The following NALF1 variants were observed in gnomAD, a reference collection of about 807,000 sequenced individuals.
NALF1 encodes NALCN channel auxiliary factor 1.
In NALF1, 3 loss-of-function variants were observed where a neutral mutation model predicts 48.4. The observed-to-expected ratio is 0.06, with a 90% CI of 0.03 to 0.16. NALF1 has a LOEUF of 0.16. Among genes scored for constraint, NALF1 ranks in the 10% least tolerant of loss-of-function variants. The probability of loss-of-function intolerance (pLI) is 1.00; values close to 1 mark genes in which losing one functional copy is unlikely to be tolerated. For missense variants in NALF1, 526 were observed against 571.5 expected (o/e 0.92, Z 0.81); for synonymous variants, 262 against 245.7 (o/e 1.07, Z -0.62).
At chr13:107,440,049 T>A (rs1884530813) in intron 1 of NALF1, among the ~76,000 whole-genome samples, 1 of 152,206 alleles carries the variant, frequency 6.6e-6, no homozygotes, top group Non-Finnish European at 1.5e-5. Context: ...TTTTGTCCAT[T>A]ATAACTGCAG....
chr13:107,465,122 T>C (rs932266141), intron 1 of NALF1, among the ~76,000 whole-genome samples: 2 of 152,130 alleles, frequency 1.3e-5, no homozygotes, highest in Admixed American at 6.5e-5. Flanking sequence ...GTCTGCTTCA[T>C]GATTTTTAAA....
chr13:107,812,173 T>A (rs1436251381), intron 1 of NALF1, among the ~76,000 whole-genome samples: 2 of 152,180 alleles, frequency 1.3e-5, no homozygotes. Context: ...CACCTAGATG[T>A]ATGTTAAATG....
chr13:107,201,958 T>C (rs1250594381), intron 2 of NALF1, among the ~76,000 whole-genome samples: 1 of 152,154 alleles, frequency 6.6e-6, no homozygotes, highest in Non-Finnish European at 1.5e-5. Context: ...GGTTCGTCAC[T>C]CTTTTGACCC....
chr13:107,337,870 A>G (rs1882589939), intron 1 of NALF1, among the ~76,000 whole-genome samples: 1 of 152,176 alleles, frequency 6.6e-6, no homozygotes, highest in Non-Finnish European at 1.5e-5. Context: ...CAATAATAAT[A>G]ATAATCTTTG....
chr13:107,353,223 C>A (rs1435173665), intron 1 of NALF1, among the ~76,000 whole-genome samples: 3 of 152,204 alleles, frequency 2.0e-5, no homozygotes, highest in Non-Finnish European at 4.4e-5. Context: ...TTCCCTCCTG[C>A]ACACTAATAA....
At chr13:107,501,191 C>T (rs983523373) in intron 1 of NALF1, among the ~76,000 whole-genome samples, 1 of 152,016 alleles carries the variant, frequency 6.6e-6, no homozygotes, top group African/African-American at 2.4e-5. Context: ...GGCAGAACAG[C>T]AAAAGAAGGA....
In NALF1 at chr13:107,167,991, A is replaced by G. The variant is rs1250584871; in HGVS notation, c.*2506T>C. 6.6e-6 allele frequency: 1 copy of G among 152,248 alleles called. No individual in the cohort carries two copies. Among genetic ancestry groups the G allele is most frequent in the Non-Finnish European group, 1.5e-5 (1 of 68,038 alleles). The allele number at this position is 152,248 out of a possible 1,614,324, so 9.4% of individuals were successfully genotyped here. A position where few individuals can be genotyped will look rare whatever the true frequency, so the allele number is the denominator to read the frequency against. ...GTCATTTTGCTAAGTGTTTAGAAAG[A>G]ATAATTTATTGTCATACCAATAAAA... On this transcript the variant is annotated 3_prime_UTR_variant, in exon 3 of 3. Transcript: ENST00000375915.
At chr13:107,216,640 C>G (rs1215304594) in intron 1 of NALF1, among the ~76,000 whole-genome samples, 1 of 152,188 alleles carries the variant, frequency 6.6e-6, no homozygotes, top group Non-Finnish European at 1.5e-5. Flanking sequence ...TGTCATCACA[C>G]TTGGTCTATT....
intron 1 of NALF1, among the ~76,000 whole-genome samples, chr13:107,711,171 G>A (rs565481277): frequency 6.6e-6 from 1 of 152,130 alleles, no homozygotes; most frequent in South Asian, 2.1e-4. Context: ...TCACTACCTT[G>A]TTGGCAACCT....
rs1407663774 is a variant in NALF1, at chr13:107,409,177, C to G, written c.916-198422G>C. The stretch of plus-strand genomic sequence containing the variant: ...TCTTAAGAAAGATTAACCACCCAAC[C>G]ACCACTGCAGTAAAATAATGAAAAA... On this transcript the variant is annotated intron_variant, in intron 1 of 2. Coordinates refer to ENST00000375915, the MANE Select transcript of NALF1 (RefSeq NM_001080396.3). Among the ~76,000 whole-genome samples the G allele has an allele frequency of 2.0e-5, 3 of 152,086 alleles. No homozygotes were observed. In the South Asian group the frequency reaches 6.2e-4, roughly 32 times the overall value.
chr13:107,704,503 T>C (rs972308126), intron 1 of NALF1, among the ~76,000 whole-genome samples: 1 of 152,104 alleles, frequency 6.6e-6, no homozygotes. Flanking sequence ...GTACTTAACC[T>C]CCCAAAGTTA....
chr13:107,838,224 C>T (rs933791150), intron 1 of NALF1, among the ~76,000 whole-genome samples: 11 of 151,994 alleles, frequency 7.2e-5, no homozygotes, highest in Non-Finnish European at 1.5e-4. Context: ...CCAGCATCAT[C>T]GGCACCTGGG....
At chr13:107,677,125 C>T (rs963411993) in intron 1 of NALF1, among the ~76,000 whole-genome samples, 13 of 152,224 alleles carry the variant, frequency 8.5e-5, no homozygotes, top group Admixed American at 3.3e-4. Context: ...TGGCTTACTG[C>T]TACCTCCGCC....
At chr13:107,726,375 T>C (rs911674446) in intron 1 of NALF1, among the ~76,000 whole-genome samples, 9 of 152,246 alleles carry the variant, frequency 5.9e-5, no homozygotes, top group African/African-American at 2.2e-4. Flanking sequence ...ATTTATGTCC[T>C]TGAAGCCAAG....
chr13:107,738,273 A>G (rs1382062017), intron 1 of NALF1, among the ~76,000 whole-genome samples: 4 of 152,192 alleles, frequency 2.6e-5, no homozygotes. Flanking sequence ...CCCAATTGAT[A>G]TTGATTCATG....
chr13:107,302,883 C>T lies in NALF1; in HGVS notation c.916-92128G>A, dbSNP rs537805801. Among the ~76,000 whole-genome samples, 393 of 152,220 alleles carry T rather than the reference C, an allele frequency of 2.6e-3. 2 individuals are homozygous for T. Among genetic ancestry groups the T allele is most frequent in the African/African-American group, 9.2e-3 (382 of 41,548 alleles). ...ACACAGACACACACAGACACACACACATTTTAAACATGTGAAAAACATTGT... is the reference window on the plus strand; with the variant it reads ...ACACAGACACACACAGACACACACATATTTTAAACATGTGAAAAACATTGT... On this transcript the variant is annotated intron_variant, in intron 1 of 2. Transcript: ENST00000375915.
intron 2 of NALF1, among the ~76,000 whole-genome samples, chr13:107,198,762 C>G (rs975522927): frequency 6.6e-6 from 1 of 152,302 alleles, no homozygotes; most frequent in South Asian, 2.1e-4. Flanking sequence ...GCAGGGTTGG[C>G]TCCTTCCGGG....
intron 1 of NALF1, among the ~76,000 whole-genome samples, chr13:107,450,615 G>A (rs150135108): frequency 6.6e-6 from 1 of 152,268 alleles, no homozygotes; most frequent in East Asian, 1.9e-4. Context: ...GCAGGGAGAG[G>A]GGAATCAAGG....
intron 1 of NALF1, among the ~76,000 whole-genome samples, chr13:107,750,633 T>A (rs1358815203): frequency 2.0e-5 from 3 of 149,938 alleles, no homozygotes; most frequent in Non-Finnish European, 4.4e-5. Flanking sequence ...AACCCACAAG[T>A]CATGATGTGA....
Sources: gnomAD v4.1 joint callset for allele counts (sites outside exome capture counted in the v4.1 genomes callset) on GRCh38, gnomAD v4.1.1 for gene constraint, MANE v1.5 for transcripts, NCBI Gene and HGNC (gene_info 2026-07-23, HGNC 2026-07-21) for gene names.